The following RORB variants were observed in gnomAD, a reference collection of about 807,000 sequenced individuals.
The protein encoded by RORB is RAR related orphan receptor B, also known as nuclear receptor ROR-beta.
In RORB, 6 loss-of-function variants were observed where a neutral mutation model predicts 59.1. The ratio of observed to expected loss-of-function variants is 0.10; its 90% CI spans 0.06 to 0.20. The LOEUF is 0.20. RORB is among the 10% of genes least tolerant of loss of function. The pLI, the probability that RORB is intolerant of heterozygous loss-of-function variation, is 1.00. For synonymous variants in RORB, 215 were observed against 204.5 expected (o/e 1.05, Z -0.44); for missense variants, 320 against 560.5 (o/e 0.57, Z 4.33).
intron 1 of RORB, among the ~76,000 whole-genome samples, chr9:74,620,557 C>G (rs1298708863): frequency 6.6e-6 from 1 of 152,032 alleles, no homozygotes. Flanking sequence ...CAGTTCTGCT[C>G]TGATTTTAGT....
intron 1 of RORB, among the ~76,000 whole-genome samples, chr9:74,563,205 T>G: frequency 6.7e-6 from 1 of 149,210 alleles, no homozygotes; most frequent in East Asian, 2.0e-4. Flanking sequence ...TTTTTTTTTT[T>G]GATGGAGTCT....
In RORB at chr9:74,510,410, T is replaced by G. The variant is rs114252950; in HGVS notation, c.7+12427T>G. 6.1e-3 allele frequency among the ~76,000 whole-genome samples: 925 copies of G among 152,322 alleles called. 4 individuals carry two copies. The highest frequency in any genetic ancestry group is 0.021 in the African/African-American group (891 of 41,578). On this transcript the variant is annotated intron_variant, in intron 1 of 9. Coordinates refer to ENST00000376896, the MANE Select transcript of RORB (RefSeq NM_006914.4). Reference sequence around the variant, plus strand: ...TATGTTTCTTCATATTCACTAATCCTGTCAGTCTGTTCTGCAGCTGCTCTT... The same window carrying G: ...TATGTTTCTTCATATTCACTAATCCGGTCAGTCTGTTCTGCAGCTGCTCTT...
intron 4 of RORB, among the ~76,000 whole-genome samples, chr9:74,658,546 T>A (rs900866742): frequency 3.9e-5 from 6 of 152,134 alleles, no homozygotes; most frequent in Non-Finnish European, 7.4e-5. Flanking sequence ...GCAATGATAG[T>A]CTTGTTTATA....
chr9:74,572,458 G>C (rs1822567944), intron 1 of RORB, among the ~76,000 whole-genome samples: 1 of 152,100 alleles, frequency 6.6e-6, no homozygotes, highest in African/African-American at 2.4e-5. Context: ...TTTGGAGAGA[G>C]CCAAGATCTG....
At chr9:74,583,373 A>G (rs1169301068) in intron 1 of RORB, among the ~76,000 whole-genome samples, 1 of 152,080 alleles carries the variant, frequency 6.6e-6, no homozygotes, top group Non-Finnish European at 1.5e-5. Context: ...GTAGACAGTC[A>G]TGGTAATTCT....
chr9:74,622,216 A>G (rs1020187979), intron 1 of RORB, among the ~76,000 whole-genome samples: 1 of 152,156 alleles, frequency 6.6e-6, no homozygotes, highest in Non-Finnish European at 1.5e-5. Context: ...TGAAGGTTTA[A>G]ACTAAATGTA....
chr9:74,570,321 T>C lies in RORB; in HGVS notation c.8-59961T>C, dbSNP rs565036942. Among the ~76,000 whole-genome samples the C allele has an allele frequency of 3.6e-4, 55 of 152,270 alleles. 1 individual carries two copies. Among genetic ancestry groups the C allele is most frequent in the Admixed American group, 2.0e-3 (31 of 15,302 alleles). ...TGTAAATGAATATGTATTTGTCATC[T>C]TTAATGTATTTGAATTTGGCTGATG... On this transcript the variant is annotated intron_variant, in intron 1 of 9. Coordinates refer to ENST00000376896, the MANE Select transcript of RORB (RefSeq NM_006914.4).
At chr9:74,621,715 A>G (rs540671533) in intron 1 of RORB, among the ~76,000 whole-genome samples, 3 of 152,352 alleles carry the variant, frequency 2.0e-5, no homozygotes, top group Middle Eastern at 3.4e-3. Context: ...GCAATAAGCA[A>G]ACATTCCATT....
chr9:74,568,821 CATATTT>C (rs1822507751), intron 1 of RORB, among the ~76,000 whole-genome samples: 1 of 151,688 alleles, frequency 6.6e-6, no homozygotes, highest in East Asian at 1.9e-4. Context: ...AACCTAAAAT[CATATTT>C]ATAAGTATAA....
chr9:74,646,774 G>A (rs1418722802), intron 4 of RORB, among the ~76,000 whole-genome samples: 3 of 152,104 alleles, frequency 2.0e-5, no homozygotes, highest in Admixed American at 6.5e-5. Flanking sequence ...ATACACTTGA[G>A]AAGAGCAGAA....
At chr9:74,570,833 C>T (rs901820738) in intron 1 of RORB, among the ~76,000 whole-genome samples, 2 of 151,984 alleles carry the variant, frequency 1.3e-5, no homozygotes, top group Non-Finnish European at 1.5e-5. Context: ...ATCATCAGAA[C>T]ATATGTGAAG....
intron 1 of RORB, among the ~76,000 whole-genome samples, chr9:74,535,078 C>T (rs1198494816): frequency 6.6e-6 from 1 of 152,040 alleles, no homozygotes; most frequent in South Asian, 2.1e-4. Flanking sequence ...CAATTTGGAG[C>T]CCTGGAGAAC....
At chr9:74,584,682 C>A (rs1231918160) in intron 1 of RORB, among the ~76,000 whole-genome samples, 1 of 152,120 alleles carries the variant, frequency 6.6e-6, no homozygotes, top group East Asian at 1.9e-4. Context: ...GGAACACACC[C>A]AGCAAGACTT....
chr9:74,526,719 A>G (rs1407633995), intron 1 of RORB, among the ~76,000 whole-genome samples: 2 of 151,970 alleles, frequency 1.3e-5, no homozygotes, highest in Admixed American at 1.3e-4. Flanking sequence ...AGTTATAACC[A>G]ATTTCAGAAT....
chr9:74,634,699 T>C lies in RORB; in HGVS notation c.162T>C (p.Ile54=), dbSNP rs1823674062. The C allele has an allele frequency of 1.2e-6, 2 of 1,613,604 alleles. No homozygotes were observed. Among genetic ancestry groups the C allele is most frequent in the African/African-American group, 1.3e-5 (1 of 74,900 alleles). Residue 54 remains isoleucine, a synonymous_variant, in exon 3 of 10, where the codon ATT becomes ATC. Coordinates refer to ENST00000376896, the MANE Select transcript of RORB (RefSeq NM_006914.4). ...GCCCAAGGCAGAGAAACTGTTTAAT[T>C]GACAGAACGAACAGAAACCGTTGCC... The part of the protein sequence containing the change: ...YSCPRQRNCL[I]DRTNRNRCQH...
At chr9:74,663,182 T>G (rs1824217235) in intron 6 of RORB, among the ~76,000 whole-genome samples, 1 of 152,122 alleles carries the variant, frequency 6.6e-6, no homozygotes, top group Non-Finnish European at 1.5e-5. Context: ...AAAAAGAAAT[T>G]ATTTGTCTTT....
At chr9:74,660,849 C>A in intron 5 of RORB, 111 bp downstream of exon 5, 1 of 1,144,042 alleles carries the variant, frequency 8.7e-7, no homozygotes, top group Non-Finnish European at 1.2e-6. Flanking sequence ...GTAAGGGCAT[C>A]CTGCAAATTG....
chr9:74,666,230 T>C (rs1196656364), intron 7 of RORB, among the ~76,000 whole-genome samples: 1 of 152,130 alleles, frequency 6.6e-6, no homozygotes, highest in Non-Finnish European at 1.5e-5. Context: ...GAGGTTGCAG[T>C]GAGCTGAGAT....
rs140817351 is a variant in RORB at position 74,671,795 on chromosome 9, C to A, written c.1118C>A (p.Ala373Asp). 1.2e-5 allele frequency: 19 copies of A among 1,608,118 alleles called. No individual in the cohort carries two copies. The African/African-American group carries it at 2.5e-4, about 22-fold the overall frequency. Residue 373 changes from alanine to aspartate, a missense_variant, in exon 9 of 10, where the codon GCC becomes GAC. Coordinates refer to ENST00000376896, the MANE Select transcript of RORB (RefSeq NM_006914.4). ...SSAVLISPDR[A>D]WLIEPRKVQK... ...CCACTCTTTCTTTCATCAGACCGAG[C>A]CTGGCTTATAGAACCAAGGAAAGTC...
Sources: gnomAD v4.1 joint callset for allele counts (sites outside exome capture counted in the v4.1 genomes callset) on GRCh38, gnomAD v4.1.1 for gene constraint, MANE v1.5 for transcripts, NCBI Gene and HGNC (gene_info 2026-07-23, HGNC 2026-07-21) for gene names.